Variants in ARK2N observed in about 807,000 individuals in gnomAD.
ARK2N encodes arkadia (RNF111) N-terminal like PKA signaling regulator 2N.
the ARK2N span, among the ~76,000 whole-genome samples, chr18:46,220,677 T>A: frequency 6.6e-6 from 1 of 152,154 alleles, no homozygotes; most frequent in Non-Finnish European, 1.5e-5. Context: ...CACTAAATAT[T>A]CTCCCTAGAA....
chr18:46,208,464 C>CTTTT, the ARK2N span, among the ~76,000 whole-genome samples: 92 of 68,352 alleles, frequency 1.3e-3, no homozygotes, highest in Middle Eastern at 0.011. Flanking sequence ...GTTCTTAAAT[C>CTTTT]TTTTTTTTTT....
At chr18:46,213,972 C>G in the ARK2N span, among the ~76,000 whole-genome samples, 1 of 152,164 alleles carries the variant, frequency 6.6e-6, no homozygotes, top group African/African-American at 2.4e-5. Context: ...GCTGGGATAA[C>G]AGGTGTGAGC....
the ARK2N span, among the ~76,000 whole-genome samples, chr18:46,182,998 T>C: frequency 6.6e-6 from 1 of 152,068 alleles, no homozygotes; most frequent in Admixed American, 6.6e-5. Flanking sequence ...AGAGTTCCCT[T>C]TCTGTACTCT....
chr18:46,259,772 CTGTGTGTGTGTGTGTGTGTG>C, the ARK2N span, among the ~76,000 whole-genome samples: 1 of 104,798 alleles, frequency 9.5e-6, no homozygotes, highest in Non-Finnish European at 2.0e-5. Flanking sequence ...CACCCAGCTA[CTGTGTGTGTGTGTGTGTGTG>C]TGTGTGTGTG....
chr18:46,229,429 G>A, the ARK2N span, among the ~76,000 whole-genome samples: 1 of 145,980 alleles, frequency 6.9e-6, no homozygotes, highest in African/African-American at 2.5e-5. Context: ...CTCACTGCAA[G>A]CTCCGTCTCC....
the ARK2N span, among the ~76,000 whole-genome samples, chr18:46,255,445 C>CTTTTTTTTTTTTTTTTTTTTT: frequency 3.9e-5 from 3 of 77,744 alleles, no homozygotes; most frequent in African/African-American, 1.8e-4. Context: ...CTTTTCTTTT[C>CTTTTTTTTTTTTTTTTTTTTT]TTTTTTTTTT....
the ARK2N span, among the ~76,000 whole-genome samples, chr18:46,236,316 C>T: frequency 2.0e-5 from 3 of 152,114 alleles, no homozygotes; most frequent in South Asian, 2.1e-4. Flanking sequence ...CCCAGCCATT[C>T]GTGGGTTTTT....
chr18:46,263,003 G>A, the ARK2N span: 3 of 1,614,174 alleles, frequency 1.9e-6, no homozygotes, highest in Middle Eastern at 1.6e-4. Context: ...CAGTATGTTA[G>A]CACCAGGCAA....
chr18:46,173,656 G>A, the ARK2N span: 1,117 of 152,536 alleles, frequency 7.3e-3, 7 homozygotes, highest in Non-Finnish European at 0.013. Flanking sequence ...GCTCTCCGCT[G>A]GAGCGACTCT....
the ARK2N span, among the ~76,000 whole-genome samples, chr18:46,203,104 C>A: frequency 2.6e-5 from 4 of 152,166 alleles, no homozygotes; most frequent in African/African-American, 9.7e-5. Context: ...TAAGCATATT[C>A]TATGACTTAA....
the ARK2N span, among the ~76,000 whole-genome samples, chr18:46,206,103 CT>C: frequency 2.1e-3 from 304 of 147,768 alleles, 1 homozygote; most frequent in African/African-American, 7.4e-3. Context: ...TTTTTTTTTT[CT>C]TTTTTTTTCT....
the ARK2N span, among the ~76,000 whole-genome samples, chr18:46,210,053 TA>T: frequency 0.01 from 1,526 of 151,592 alleles, 29 homozygotes; most frequent in African/African-American, 0.035. Context: ...TTCTAGGACT[TA>T]AAAAAAAATA....
the ARK2N span, among the ~76,000 whole-genome samples, chr18:46,178,226 C>G: frequency 6.7e-4 from 102 of 152,166 alleles, no homozygotes; most frequent in Non-Finnish European, 1.3e-3. Context: ...CCTTATTAGT[C>G]CGCTAATGGG....
the ARK2N span, among the ~76,000 whole-genome samples, chr18:46,181,932 T>C: frequency 1.3e-5 from 2 of 152,120 alleles, no homozygotes; most frequent in South Asian, 2.1e-4. Flanking sequence ...ATTAGCATAA[T>C]TAGCATTAGA....
chr18:46,261,542 A>G, the ARK2N span, among the ~76,000 whole-genome samples: 2 of 152,244 alleles, frequency 1.3e-5, no homozygotes, highest in African/African-American at 2.4e-5. Flanking sequence ...CCATGACTAC[A>G]TGGTCACTTA....
At chr18:46,224,494 A>C in the ARK2N span, among the ~76,000 whole-genome samples, 2 of 152,220 alleles carry the variant, frequency 1.3e-5, no homozygotes, top group Non-Finnish European at 2.9e-5. Flanking sequence ...AAAGGAGTTA[A>C]AATACTCAAG....
At chr18:46,215,453 G>A in the ARK2N span, among the ~76,000 whole-genome samples, 22 of 152,230 alleles carry the variant, frequency 1.4e-4, no homozygotes, top group Admixed American at 1.0e-3. Context: ...TAGTTTTAAA[G>A]CATTCTTTTT....
chr18:46,244,615 T>TTTTTTTTC, the ARK2N span, among the ~76,000 whole-genome samples: 301 of 145,994 alleles, frequency 2.1e-3, 7 homozygotes, highest in African/African-American at 7.1e-3. Flanking sequence ...TTTTTTTTTT[T>TTTTTTTTC]TTTTTTTAAG....
the ARK2N span, among the ~76,000 whole-genome samples, chr18:46,229,587 G>A: frequency 5.0e-4 from 76 of 151,090 alleles, 1 homozygote; most frequent in South Asian, 0.016. Flanking sequence ...GTCATGATCC[G>A]CCTGCCTCAG....
Sources: allele counts gnomAD v4.1 joint callset (sites outside exome capture counted in the v4.1 genomes callset), GRCh38; gene constraint gnomAD v4.1.1; transcripts MANE v1.5; gene names NCBI Gene and HGNC (gene_info 2026-07-23, HGNC 2026-07-21).